CCDC148: variants seen among roughly 807,000 people sequenced by gnomAD.
The protein encoded by CCDC148 is coiled-coil domain-containing protein 148.
A neutral mutation model predicts 85.7 loss-of-function variants in CCDC148; 89 were observed. That is an observed-to-expected ratio of 1.04 (90% CI 0.87 to 1.24). The LOEUF (loss-of-function observed/expected upper bound fraction) is 1.24, where lower values mean the gene tolerates loss of function less well. Among genes scored for constraint, CCDC148 ranks in the 50% most tolerant of loss-of-function variants. The probability of loss-of-function intolerance (pLI) is 0.00; values close to 1 mark genes in which losing one functional copy is unlikely to be tolerated. For synonymous variants in CCDC148, 230 were observed against 213.9 expected (o/e 1.08, Z -0.66); for missense variants, 692 against 671.7 (o/e 1.03, Z -0.33).
At chr2:158,347,858 T>C (rs1179077713) in intron 2 of CCDC148, among the ~76,000 whole-genome samples, 1 of 152,102 alleles carries the variant, frequency 6.6e-6, no homozygotes, top group Non-Finnish European at 1.5e-5. Context: ...TATATACATT[T>C]TACTATATGT....
At chr2:158,329,277 T>C (rs1455879905) in intron 7 of CCDC148, among the ~76,000 whole-genome samples, 12 of 152,220 alleles carry the variant, frequency 7.9e-5, no homozygotes, top group Non-Finnish European at 1.3e-4. Context: ...AGGGAATCCT[T>C]TCCCCATTGC....
At position 158,249,727 on chromosome 2, in the gene CCDC148, C is replaced by G. The variant is rs556793002; in HGVS notation, c.1251+1045G>C. Among the ~76,000 whole-genome samples the G allele has an allele frequency of 2.0e-5, 3 of 152,216 alleles. No homozygotes were observed. In the East Asian group the frequency reaches 5.8e-4, roughly 29 times the overall value. On this transcript the variant is annotated intron_variant, in intron 10 of 13. Coordinates refer to ENST00000283233, the MANE Select transcript of CCDC148 (RefSeq NM_138803.4). ...AAAACTGGCTTATAGCTTTAAAATA[C>G]ATAGTTCCTTTACCTCTACATATTC...
chr2:158,328,187 C>T (rs1692887844), intron 7 of CCDC148, among the ~76,000 whole-genome samples: 1 of 152,128 alleles, frequency 6.6e-6, no homozygotes, highest in Non-Finnish European at 1.5e-5. Flanking sequence ...CAACAGGCCC[C>T]AGTGTGCGAT....
chr2:158,292,373 T>C (rs1574561960), intron 9 of CCDC148, among the ~76,000 whole-genome samples: 1 of 152,232 alleles, frequency 6.6e-6, no homozygotes, highest in African/African-American at 2.4e-5. Context: ...TGTACTTGAA[T>C]ACTGCAGATA....
At chr2:158,205,379 A>G (rs1262485061) in intron 11 of CCDC148, among the ~76,000 whole-genome samples, 1 of 152,152 alleles carries the variant, frequency 6.6e-6, no homozygotes, top group East Asian at 1.9e-4. Context: ...TCTCTATCTG[A>G]GGCATGGAAA....
At chr2:158,365,665 G>C (rs893749514) in intron 1 of CCDC148, among the ~76,000 whole-genome samples, 14 of 152,088 alleles carry the variant, frequency 9.2e-5, no homozygotes, top group Non-Finnish European at 2.1e-4. Flanking sequence ...GGGGGGTGGA[G>C]GGCTAGGGAA....
chr2:158,313,953 C>A, intron 7 of CCDC148, 59 bp from the exon 8 acceptor site: 1 of 1,537,702 alleles, frequency 6.5e-7, no homozygotes, highest in Non-Finnish European at 8.8e-7. Flanking sequence ...TTGAGGGACT[C>A]AAACTGTTCA....
chr2:158,379,829 A>T (rs932027338), intron 1 of CCDC148, among the ~76,000 whole-genome samples: 1 of 152,192 alleles, frequency 6.6e-6, no homozygotes, highest in African/African-American at 2.4e-5. Context: ...ACTATAGTAT[A>T]CTGTAAACAT....
intron 1 of CCDC148, among the ~76,000 whole-genome samples, chr2:158,373,915 T>C (rs1684550633): frequency 6.6e-6 from 1 of 152,096 alleles, no homozygotes; most frequent in Non-Finnish European, 1.5e-5. Flanking sequence ...ATCATCTCTG[T>C]TTCTCCAGAC....
At chr2:158,332,537 G>T (rs796487844) in intron 7 of CCDC148, among the ~76,000 whole-genome samples, 4 of 147,954 alleles carry the variant, frequency 2.7e-5, no homozygotes, top group South Asian at 4.2e-4. Context: ...TCAGGATGAT[G>T]CTGGCCTTAT....
At chr2:158,320,907 T>C (rs569377479) in intron 7 of CCDC148, among the ~76,000 whole-genome samples, 65 of 152,318 alleles carry the variant, frequency 4.3e-4, no homozygotes, top group African/African-American at 1.4e-3. Flanking sequence ...GCTGCAGTGA[T>C]ATTACTAATA....
At chr2:158,451,259 T>A (rs1295756171) in intron 1 of CCDC148, among the ~76,000 whole-genome samples, 1 of 152,198 alleles carries the variant, frequency 6.6e-6, no homozygotes, top group Non-Finnish European at 1.5e-5. Flanking sequence ...ATCCAACAAG[T>A]GGGGTCACTT....
intron 1 of CCDC148, among the ~76,000 whole-genome samples, chr2:158,449,017 A>G (rs991063420): frequency 6.6e-6 from 1 of 151,886 alleles, no homozygotes; most frequent in Non-Finnish European, 1.5e-5. Flanking sequence ...TAGTAGAGAC[A>G]GCATTTCACC....
At chr2:158,390,705 G>T (rs552319293) in intron 1 of CCDC148, among the ~76,000 whole-genome samples, 12 of 152,240 alleles carry the variant, frequency 7.9e-5, no homozygotes, top group African/African-American at 2.9e-4. Context: ...AGAGATGAAG[G>T]TGATGTTTAT....
intron 1 of CCDC148, among the ~76,000 whole-genome samples, chr2:158,441,350 G>C (rs1362018204): frequency 6.6e-6 from 1 of 152,092 alleles, no homozygotes; most frequent in Non-Finnish European, 1.5e-5. Flanking sequence ...ATGCAAGATA[G>C]AAAATCAAGA....
intron 10 of CCDC148, among the ~76,000 whole-genome samples, chr2:158,228,392 C>T (rs1374964430): frequency 6.6e-6 from 1 of 152,192 alleles, no homozygotes; most frequent in Non-Finnish European, 1.5e-5. Flanking sequence ...TTATGGAAGT[C>T]AGTGTGGCGA....
chr2:158,220,785 T>C (rs1687140200), intron 10 of CCDC148, 72 bp from the exon 11 acceptor site: 5 of 1,150,536 alleles, frequency 4.3e-6, no homozygotes, highest in South Asian at 1.4e-5. Context: ...GCCATAACCA[T>C]ATCCACTGGT....
Position 158,271,934 on chromosome 2 carries a change from C to G in CCDC148, c.1111-21022G>C, listed in dbSNP as rs1400105983. ...TTGCTCTTCCTGTTTCTCTATTTCC[C>G]TAACTACTTTAGCTTAGAAATCTCA... On this transcript the variant is annotated intron_variant, in intron 9 of 13. Coordinates refer to ENST00000283233, the MANE Select transcript of CCDC148 (RefSeq NM_138803.4). 5.3e-5 allele frequency among the ~76,000 whole-genome samples: 8 copies of G among 152,158 alleles called. No homozygotes were observed. In the South Asian group the frequency reaches 1.7e-3, roughly 31 times the overall value.
At chr2:158,285,622 C>T (rs1690586650) in intron 9 of CCDC148, among the ~76,000 whole-genome samples, 1 of 151,716 alleles carries the variant, frequency 6.6e-6, no homozygotes, top group Non-Finnish European at 1.5e-5. Flanking sequence ...GGTCCGCCTC[C>T]CGGGTTCACA....
Sources: gnomAD v4.1 joint callset for allele counts (sites outside exome capture counted in the v4.1 genomes callset) on GRCh38, gnomAD v4.1.1 for gene constraint, MANE v1.5 for transcripts, NCBI Gene and HGNC (gene_info 2026-07-23, HGNC 2026-07-21) for gene names.